Variants in FILIP1L observed in about 807,000 individuals in gnomAD.
FILIP1L encodes filamin A interacting protein 1 like.
Under a neutral mutation model 96.6 loss-of-function variants are expected in FILIP1L, and 55 were observed. The ratio of observed to expected loss-of-function variants is 0.57; its 90% confidence interval spans 0.46 to 0.71. FILIP1L has a LOEUF of 0.71. Among genes scored for constraint, FILIP1L ranks in the 30% least tolerant of loss-of-function variants. The pLI is 0.00. For synonymous variants in FILIP1L, 467 were observed against 473.9 expected, an observed-to-expected ratio of 0.99 and a Z score of 0.19; for missense variants, 1,304 against 1,321.2, an observed-to-expected ratio of 0.99 and a Z score of 0.20.
At chr3:99,925,946 C>T (rs747496871) in intron 3 of FILIP1L, 44 of 925,506 alleles carry the variant, frequency 4.8e-5, no homozygotes, top group Non-Finnish European at 2.8e-5. Flanking sequence ...AGAGCTAACT[C>T]GGGATCTTTT....
chr3:100,067,760 A>G (rs2065691336), intron 1 of FILIP1L, among the ~76,000 whole-genome samples: 1 of 152,190 alleles, frequency 6.6e-6, no homozygotes, highest in Admixed American at 6.5e-5. Context: ...CACTACTTTG[A>G]AATAGTCTCT....
chr3:99,836,496 G>T (rs184455436), intron 5 of FILIP1L, among the ~76,000 whole-genome samples: 3 of 152,154 alleles, frequency 2.0e-5, no homozygotes, highest in African/African-American at 7.2e-5. Flanking sequence ...TAGAGAAATT[G>T]TTGATACTAC....
At chr3:100,083,936 A>G (rs1576036293) in intron 1 of FILIP1L, among the ~76,000 whole-genome samples, 1 of 152,314 alleles carries the variant, frequency 6.6e-6, no homozygotes, top group Non-Finnish European at 1.5e-5. Flanking sequence ...TTGTGAGCAT[A>G]ATTATCAAAA....
At chr3:99,997,589 G>C (rs1405999453) in intron 1 of FILIP1L, among the ~76,000 whole-genome samples, 1 of 152,182 alleles carries the variant, frequency 6.6e-6, no homozygotes, top group Non-Finnish European at 1.5e-5. Flanking sequence ...ATAGATGGTA[G>C]GGGCAGGGTG....
intron 1 of FILIP1L, among the ~76,000 whole-genome samples, chr3:99,969,453 T>TC (rs1708750473): frequency 6.6e-6 from 1 of 152,022 alleles, no homozygotes. Flanking sequence ...GAAAGCTGAC[T>TC]TTTTTTTCCA....
At chr3:100,064,791 T>G (rs1428707856) in intron 1 of FILIP1L, among the ~76,000 whole-genome samples, 1 of 151,406 alleles carries the variant, frequency 6.6e-6, no homozygotes, top group Non-Finnish European at 1.5e-5. Context: ...AGAGTCAATT[T>G]GACAAACAGC....
chr3:99,998,721 C>T (rs918324105), intron 1 of FILIP1L, among the ~76,000 whole-genome samples: 2 of 152,152 alleles, frequency 1.3e-5, no homozygotes, highest in Non-Finnish European at 2.9e-5. Context: ...TGCCACCATG[C>T]CCCAGCCAAT....
intron 4 of FILIP1L, among the ~76,000 whole-genome samples, chr3:99,922,197 G>A (rs1707147509): frequency 6.6e-6 from 1 of 152,260 alleles, no homozygotes; most frequent in South Asian, 2.1e-4. Context: ...ATGAAAGAAA[G>A]TGTCTGTGTT....
intron 3 of FILIP1L, among the ~76,000 whole-genome samples, chr3:99,926,236 A>G (rs1168202902): frequency 3.3e-5 from 5 of 152,272 alleles, no homozygotes; most frequent in African/African-American, 4.8e-5. Flanking sequence ...CCCAGCATAT[A>G]GAACCCAGTA....
intron 4 of FILIP1L, among the ~76,000 whole-genome samples, chr3:99,872,933 A>G (rs1166575285): frequency 6.6e-6 from 1 of 151,792 alleles, no homozygotes; most frequent in Non-Finnish European, 1.5e-5. Flanking sequence ...TTTTTTTTAA[A>G]AAAAGGAGGG....
At chr3:99,963,775 G>C (rs545369276) in intron 1 of FILIP1L, among the ~76,000 whole-genome samples, 1 of 152,116 alleles carries the variant, frequency 6.6e-6, no homozygotes, top group African/African-American at 2.4e-5. Flanking sequence ...ACGCCACCAT[G>C]CTCAGCTAAT....
chr3:99,833,262 C>G, intron 5 of FILIP1L: 1 of 1,610,862 alleles, frequency 6.2e-7, no homozygotes, highest in East Asian at 2.2e-5. Flanking sequence ...GTGGTTCCAC[C>G]TAGGGAGCAG....
intron 1 of FILIP1L, among the ~76,000 whole-genome samples, chr3:99,992,030 GTA>G (rs139864021): frequency 2.7e-4 from 40 of 149,172 alleles, no homozygotes; most frequent in Admixed American, 2.4e-3. Context: ...ATATATACGT[GTA>G]TATATATATA....
At chr3:99,876,503 A>G (rs1217105060) in intron 4 of FILIP1L, among the ~76,000 whole-genome samples, 4 of 152,222 alleles carry the variant, frequency 2.6e-5, no homozygotes, top group African/African-American at 9.6e-5. Flanking sequence ...TTGTTGCTTC[A>G]GGGACTTCAA....
At chr3:99,880,259 G>A (rs756387767) in intron 4 of FILIP1L, among the ~76,000 whole-genome samples, 1 of 151,904 alleles carries the variant, frequency 6.6e-6, no homozygotes, top group Non-Finnish European at 1.5e-5. Context: ...AGTTCTTTGG[G>A]TGCCACCTGT....
intron 1 of FILIP1L, among the ~76,000 whole-genome samples, chr3:100,052,583 G>A (rs1159749425): frequency 1.3e-5 from 2 of 152,174 alleles, no homozygotes; most frequent in Non-Finnish European, 2.9e-5. Flanking sequence ...GCAATTCAAT[G>A]CTAGTATAGG....
At chr3:99,971,165 G>A (rs989836855) in intron 1 of FILIP1L, among the ~76,000 whole-genome samples, 22 of 152,132 alleles carry the variant, frequency 1.4e-4, no homozygotes, top group Admixed American at 1.2e-3. Flanking sequence ...GTGAAACCCC[G>A]TCTCTACTAA....
At chr3:100,076,406 C>T (rs529440576) in intron 1 of FILIP1L, among the ~76,000 whole-genome samples, 1 of 152,328 alleles carries the variant, frequency 6.6e-6, no homozygotes, top group South Asian at 2.1e-4. Context: ...CGCCCAACAC[C>T]CTTCTTTTTC....
chr3:99,877,015 T>C (rs1360911607), intron 4 of FILIP1L, among the ~76,000 whole-genome samples: 1 of 152,162 alleles, frequency 6.6e-6, no homozygotes, highest in African/African-American at 2.4e-5. Context: ...AAAAAGAAAT[T>C]AGCCAAATGT....
Sources: allele counts gnomAD v4.1 joint callset (sites outside exome capture counted in the v4.1 genomes callset), GRCh38; gene constraint gnomAD v4.1.1; transcripts MANE v1.5; gene names NCBI Gene and HGNC (gene_info 2026-07-23, HGNC 2026-07-21).